The following RBM12 variants were observed in gnomAD, a reference collection of about 807,000 sequenced individuals.
RBM12 encodes RNA binding motif protein 12, also known as RNA-binding protein 12.
A neutral mutation model predicts 37.2 loss-of-function variants in RBM12; 24 were observed. The observed-to-expected ratio is 0.65, with a 90% CI of 0.47 to 0.91. The LOEUF (loss-of-function observed/expected upper bound fraction) is 0.91, where lower values mean the gene tolerates loss of function less well. Ranked by LOEUF, RBM12 falls within the 40% of genes least tolerant of loss-of-function variation. The pLI is 0.00. For missense variants in RBM12, 1,061 were observed against 1,183.2 expected, an observed-to-expected ratio of 0.90 and a Z score of 1.52; for synonymous variants, 420 against 425.2, an observed-to-expected ratio of 0.99 and a Z score of 0.15.
chr20:35,652,408 A>G lies in RBM12; in HGVS notation c.*116T>C, dbSNP rs2033584223. The G allele has an allele frequency of 8.1e-7, 1 of 1,238,922 alleles. No individual in the cohort carries two copies. The highest frequency in any genetic ancestry group is 2.3e-5 in the Admixed American group (1 of 43,538). The allele number at this position is 1,238,922 out of a possible 1,614,324, so 76.7% of individuals were successfully genotyped here. A position where few individuals can be genotyped will look rare whatever the true frequency, so the allele number is the denominator to read the frequency against. ...CCAATGCTCTATGTTATGGAAACCA[A>G]GCTATATGCAATTGAAACAATCCAC... On this transcript the variant is annotated 3_prime_UTR_variant, in exon 3 of 3. Transcript: ENST00000374114.
At chr20:35,659,124 AT>A (rs2034081423) in intron 1 of RBM12, 110 bp from the exon 2 acceptor site, 2 of 409,680 alleles carry the variant, frequency 4.9e-6, no homozygotes. Context: ...AGAGTACTTC[AT>A]TAGAATGCAT....
In RBM12 at chr20:35,654,648, C is replaced by A. The variant is rs139141819; in HGVS notation, c.675G>T (p.Pro225=). ...GTGGCACAGAAGGAACTGGGGGAAT[C>A]GGGGGCACAGGAGGCACAGGAGGCA... is the stretch of plus-strand genomic sequence containing the variant. ...PTLPPVPPVP[P]IPPVPSVPPM... is the part of the protein sequence containing the mutation. Residue 225 remains proline (P), a synonymous_variant, in exon 3 of 3, where the codon CCG becomes CCT. Coordinates refer to ENST00000374114, the MANE Select transcript of RBM12 (RefSeq NM_006047.6). 7 of 1,613,682 alleles carry A rather than the reference C, an allele frequency of 4.3e-6. No individual in the cohort carries two copies. The African/African-American group carries it at 9.3e-5, about 22-fold the overall frequency.
At position 35,654,174 on chromosome 20, in the gene RBM12, T is replaced by C; in HGVS notation, c.1149A>G (p.Val383=). 1 of 1,614,242 alleles carries C rather than the reference T, an allele frequency of 6.2e-7. No individual in the cohort carries two copies. Among genetic ancestry groups the C allele is most frequent in the Non-Finnish European group, 8.5e-7 (1 of 1,180,036 alleles). ...TAAAAGTGATATGGCCTCCAGCAGCTACCCACTGTCTTTCTGTGGCAGGGC... is the reference window on the plus strand; with the variant it reads ...TAAAAGTGATATGGCCTCCAGCAGCCACCCACTGTCTTTCTGTGGCAGGGC... ...EVSPATERQW[V]AAGGHITFKQ... The change falls in exon 3 of 3, where the codon GTA becomes GTG. Residue 383 remains valine (V), a synonymous_variant. Transcript: ENST00000374114.
At chr20:35,656,291 C>T (rs2146359118) in intron 2 of RBM12, among the ~76,000 whole-genome samples, 1 of 152,192 alleles carries the variant, frequency 6.6e-6, no homozygotes. Context: ...AGTCTTGGAC[C>T]TACACAACTC....
rs17092956 is a variant in RBM12, at chr20:35,663,500, A to G, written c.-108+1260T>C. Among the ~76,000 whole-genome samples, 828 of 152,214 alleles carry G rather than the reference A, an allele frequency of 5.4e-3. 18 individuals carry two copies. Among genetic ancestry groups the G allele is most frequent in the African/African-American group, 0.019 (783 of 41,522 alleles). On this transcript the variant is annotated intron_variant, in intron 1 of 2. Coordinates refer to ENST00000374114, the MANE Select transcript of RBM12 (RefSeq NM_006047.6). ...TTCAGTTGCCATCACACTTTTTTCCAGTGGGTTATACTGACTCTATTATTG... is the reference window on the plus strand; with the variant it reads ...TTCAGTTGCCATCACACTTTTTTCCGGTGGGTTATACTGACTCTATTATTG...
At chr20:35,657,377 T>C (rs1196132200) in intron 2 of RBM12, among the ~76,000 whole-genome samples, 1 of 152,238 alleles carries the variant, frequency 6.6e-6, no homozygotes, top group Non-Finnish European at 1.5e-5. Flanking sequence ...ATGCAAAATG[T>C]GATAGCATTT....
At chr20:35,662,246 A>T (rs1405709217) in intron 1 of RBM12, among the ~76,000 whole-genome samples, 2 of 152,218 alleles carry the variant, frequency 1.3e-5, no homozygotes, top group African/African-American at 4.8e-5. Flanking sequence ...CAATCCCCCC[A>T]AATGCCAACA....
chr20:35,663,024 CCAAT>C (rs2034318939), intron 1 of RBM12, among the ~76,000 whole-genome samples: 2 of 152,180 alleles, frequency 1.3e-5, no homozygotes, highest in Non-Finnish European at 2.9e-5. Flanking sequence ...AAAAATCTGT[CCAAT>C]AATATATACT....
At chr20:35,664,378 G>C (rs2034416194) in intron 1 of RBM12, 1 of 152,248 alleles carries the variant, frequency 6.6e-6, no homozygotes, top group Admixed American at 6.5e-5. Flanking sequence ...CAGAGATGTA[G>C]TTATAACCTC....
At position 35,658,589 on chromosome 20, in the gene RBM12, T is replaced by A. The variant is rs748526436; in HGVS notation, c.-23+341A>T. ...GCCTGGCCAAGAGGATAAAACCCCA[T>A]CTCTACTAAAAATACAAAAAAATTA... On this transcript the variant is annotated intron_variant, in intron 2 of 2. Coordinates refer to ENST00000374114, the MANE Select transcript of RBM12 (RefSeq NM_006047.6). Among the ~76,000 whole-genome samples the A allele has an allele frequency of 1.0e-3, 156 of 151,760 alleles. 1 individual carries two copies. Among genetic ancestry groups the A allele is most frequent in the Non-Finnish European group, 9.0e-4 (61 of 67,972 alleles).
Position 35,652,370 on chromosome 20 carries a change from T to C in RBM12, c.*154A>G, listed in dbSNP as rs1010631135. 1.2e-6 allele frequency: 1 copy of C among 829,434 alleles called. No individual in the cohort carries two copies. Among genetic ancestry groups the C allele is most frequent in the Non-Finnish European group, 1.9e-6 (1 of 537,240 alleles). 51.4% of individuals were successfully genotyped at this position (829,434 alleles called of 1,614,324 possible). ...TGTTTATCCTGGTGAGTGAGTCTTC[T>C]GTAAACAGTCAACCAATGCTCTATG... On this transcript the variant is annotated 3_prime_UTR_variant, in exon 3 of 3. Coordinates refer to ENST00000374114, the MANE Select transcript of RBM12 (RefSeq NM_006047.6).
In RBM12 at chr20:35,652,447, G is replaced by A. The variant is rs2033586989; in HGVS notation, c.*77C>T. On this transcript the variant is annotated 3_prime_UTR_variant, in exon 3 of 3. Coordinates refer to ENST00000374114, the MANE Select transcript of RBM12 (RefSeq NM_006047.6). ...GAAACAATCCACAGGTTCTAACCTG[G>A]AAATACTAGGAAAACAATCTGGATG... is the stretch of plus-strand genomic sequence containing the variant. 2 of 1,483,250 alleles carry A rather than the reference G, an allele frequency of 1.3e-6. No homozygotes were observed. Among genetic ancestry groups the A allele is most frequent in the Admixed American group, 2.2e-5 (1 of 46,386 alleles). 91.9% of individuals were successfully genotyped at this position (1,483,250 alleles called of 1,614,324 possible).
chr20:35,654,800 C>G lies in RBM12; in HGVS notation c.523G>C (p.Val175Leu). The part of the protein sequence containing the change: ...SFGSPTFSST[V>L]PSTASPMNTV... ...TTCATTGGAGAGGCTGTGCTTGGAA[C>G]AGTTGAGCTAAACGTTGGGCTCCCA... Residue 175 changes from valine (V) to leucine (L), a missense_variant, in exon 3 of 3, where the codon GTT becomes CTT. Coordinates refer to ENST00000374114, the MANE Select transcript of RBM12 (RefSeq NM_006047.6). 1 of 1,614,186 alleles carries G rather than the reference C, an allele frequency of 6.2e-7. No individual in the cohort carries two copies. The highest frequency in any genetic ancestry group is 8.5e-7 in the Non-Finnish European group (1 of 1,180,014).
At position 35,652,357 on chromosome 20, in the gene RBM12, T is replaced by A; in HGVS notation, c.*167A>T. On this transcript the variant is annotated 3_prime_UTR_variant, in exon 3 of 3. Coordinates refer to ENST00000374114, the MANE Select transcript of RBM12 (RefSeq NM_006047.6). ...TAACATACAGCAATGTTTATCCTGG[T>A]GAGTGAGTCTTCTGTAAACAGTCAA... 2 of 720,934 alleles carry A rather than the reference T, an allele frequency of 2.8e-6. No individual in the cohort carries two copies. Among genetic ancestry groups the A allele is most frequent in the South Asian group, 3.9e-5 (2 of 51,328 alleles). 44.7% of individuals were successfully genotyped at this position (720,934 alleles called of 1,614,324 possible). A position where few individuals can be genotyped will look rare whatever the true frequency, so the allele number is the denominator to read the frequency against.
At chr20:35,656,824 A>AAT (rs2033927719) in intron 2 of RBM12, among the ~76,000 whole-genome samples, 1 of 152,234 alleles carries the variant, frequency 6.6e-6, no homozygotes, top group African/African-American at 2.4e-5. Context: ...TCAACTTTTA[A>AAT]ATATAAGCCC....
rs1328561423 is a variant in RBM12 at position 35,653,354 on chromosome 20, G to A, written c.1969C>T (p.Leu657=). The A allele has an allele frequency of 6.2e-7, 1 of 1,614,138 alleles. No individual in the cohort carries two copies. Among genetic ancestry groups the A allele is most frequent in the Non-Finnish European group, 8.5e-7 (1 of 1,180,004 alleles). ...GCACTGGGCAGTCCCACACCGGGCA[G>A]TCCCGCATTGGGCATTCCTGGAACT... The part of the protein sequence containing the change: ...PAVPGMPNAG[L]PGVGLPSAGL... The change falls in exon 3 of 3, where the codon CTG becomes TTG. Residue 657 remains leucine, a synonymous_variant. Transcript: ENST00000374114.
At position 35,655,217 on chromosome 20, in the gene RBM12, C is replaced by A; in HGVS notation, c.106G>T (p.Val36Leu). 2 of 1,614,108 alleles carry A rather than the reference C, an allele frequency of 1.2e-6. No individual in the cohort carries two copies. Among genetic ancestry groups the A allele is most frequent in the Non-Finnish European group, 1.7e-6 (2 of 1,180,016 alleles). Residue 36 changes from valine (V) to leucine (L), a missense_variant, in exon 3 of 3, where the codon GTA (valine) becomes TTA (leucine). Val to Leu is a conservative substitution (Grantham distance 32). Coordinates refer to ENST00000374114, the MANE Select transcript of RBM12 (RefSeq NM_006047.6). ...LTIPDGGVHI[V>L]GGELGEAFIV... is the part of the protein sequence containing the mutation. ...AAAGCCTCACCCAGTTCACCCCCTACAATATGCACGCCCCCATCAGGAATG... is the reference window on the plus strand; with the variant it reads ...AAAGCCTCACCCAGTTCACCCCCTAAAATATGCACGCCCCCATCAGGAATG...
In RBM12 at chr20:35,653,004, T is replaced by C; in HGVS notation, c.2319A>G (p.Gly773=). 1 of 1,613,758 alleles carries C rather than the reference T, an allele frequency of 6.2e-7. No individual in the cohort carries two copies. The highest frequency in any genetic ancestry group is 8.5e-7 in the Non-Finnish European group (1 of 1,180,006). ...GCCCACTTAAATTGTTTGGTCCACCTCCAAAACCCGGAACATCCAGTCCTA... is the reference window on the plus strand; with the variant it reads ...GCCCACTTAAATTGTTTGGTCCACCCCCAAAACCCGGAACATCCAGTCCTA... The part of the protein sequence containing the change: ...PGLGLDVPGF[G]GGPNNLSGPS... The change falls in exon 3 of 3, where the codon GGA becomes GGG. Residue 773 remains glycine, a synonymous_variant. Transcript: ENST00000374114.
chr20:35,659,480 G>A (rs1344658220), intron 1 of RBM12, among the ~76,000 whole-genome samples: 2 of 152,120 alleles, frequency 1.3e-5, no homozygotes, highest in Admixed American at 1.3e-4. Flanking sequence ...GGAAATTACT[G>A]CAATTATTCT....
Sources: gnomAD v4.1 joint callset for allele counts (sites outside exome capture counted in the v4.1 genomes callset) on GRCh38, gnomAD v4.1.1 for gene constraint, MANE v1.5 for transcripts, NCBI Gene and HGNC (gene_info 2026-07-23, HGNC 2026-07-21) for gene names.